The following UACA variants were observed in gnomAD, a reference collection of about 807,000 sequenced individuals.
UACA encodes the protein uveal autoantigen with coiled-coil domains and ankyrin repeats.
UACA carries 112 observed loss-of-function variants against 160.5 expected under a neutral mutation model. The ratio of observed to expected loss-of-function variants is 0.70; its 90% confidence interval spans 0.60 to 0.82. The LOEUF (loss-of-function observed/expected upper bound fraction) is 0.82. UACA is among the 40% of genes least tolerant of loss of function. The pLI, the probability that UACA is intolerant of heterozygous loss-of-function variation, is 0.00. For missense variants in UACA, 1,574 were observed against 1,614.6 expected, an observed-to-expected ratio of 0.97 and a Z score of 0.43; for synonymous variants, 557 against 568.4, an observed-to-expected ratio of 0.98 and a Z score of 0.29.
At chr15:70,740,674 T>C (rs1899505023) in intron 1 of UACA, among the ~76,000 whole-genome samples, 1 of 145,462 alleles carries the variant, frequency 6.9e-6, no homozygotes, top group African/African-American at 2.5e-5. Context: ...CATTATGGAG[T>C]TTTAGGGCAA....
At chr15:70,711,162 T>C (rs1460045983) in intron 1 of UACA, among the ~76,000 whole-genome samples, 1 of 152,188 alleles carries the variant, frequency 6.6e-6, no homozygotes, top group Non-Finnish European at 1.5e-5. Flanking sequence ...TGTTACATCA[T>C]AATATCAAAA....
chr15:70,762,857 C>T (rs574515432), intron 1 of UACA, among the ~76,000 whole-genome samples: 1 of 152,358 alleles, frequency 6.6e-6, no homozygotes, highest in African/African-American at 2.4e-5. Flanking sequence ...GGAGTCCGGG[C>T]ACGGTGGCGC....
At chr15:70,686,380 C>T (rs191567725) in intron 7 of UACA, among the ~76,000 whole-genome samples, 140 of 151,508 alleles carry the variant, frequency 9.2e-4, no homozygotes, top group African/African-American at 3.3e-3. Flanking sequence ...TCAAAGATTT[C>T]CTGATTGGGA....
chr15:70,727,747 C>G (rs1178279746), intron 1 of UACA, among the ~76,000 whole-genome samples: 5 of 152,216 alleles, frequency 3.3e-5, no homozygotes, highest in African/African-American at 9.7e-5. Flanking sequence ...ATATCTTAAA[C>G]TGTTCTAGAA....
At chr15:70,718,269 G>A (rs1450923819) in intron 1 of UACA, among the ~76,000 whole-genome samples, 1 of 144,434 alleles carries the variant, frequency 6.9e-6, no homozygotes, top group Non-Finnish European at 1.5e-5. Context: ...GGGAGGGGGA[G>A]GAGGGGGAGA....
At chr15:70,684,506 T>C in intron 7 of UACA, 60 bp from the exon 8 acceptor site, 1 of 1,509,936 alleles carries the variant, frequency 6.6e-7, no homozygotes, top group Non-Finnish European at 8.9e-7. Flanking sequence ...ATTGCAGAAA[T>C]ATTCTGCCCT....
chr15:70,708,153 TAAATG>T (rs1898574245), intron 1 of UACA, among the ~76,000 whole-genome samples: 1 of 152,294 alleles, frequency 6.6e-6, no homozygotes, highest in African/African-American at 2.4e-5. Flanking sequence ...GACATTATGC[TAAATG>T]AAATTAGCCA....
At chr15:70,770,408 T>C in the UACA span, among the ~76,000 whole-genome samples, 2 of 152,246 alleles carry the variant, frequency 1.3e-5, no homozygotes, top group Non-Finnish European at 2.9e-5. Flanking sequence ...TCTTCATGGA[T>C]TAACCAGGTA....
upstream of UACA, among the ~76,000 whole-genome samples, chr15:70,764,713 A>G (rs983783601): frequency 3.9e-5 from 6 of 152,234 alleles, no homozygotes; most frequent in South Asian, 2.1e-4. Flanking sequence ...CAACAAGTAA[A>G]TAACAACTAA....
chr15:70,761,462 G>T (rs1240398425), intron 1 of UACA, among the ~76,000 whole-genome samples: 2 of 151,778 alleles, frequency 1.3e-5, no homozygotes, highest in Admixed American at 1.3e-4. Flanking sequence ...ACCAAATCTG[G>T]GATTATGGTT....
intron 1 of UACA, among the ~76,000 whole-genome samples, chr15:70,753,551 CTA>C (rs1183946674): frequency 6.6e-6 from 1 of 152,188 alleles, no homozygotes; most frequent in East Asian, 1.9e-4. Context: ...CACTTATTAG[CTA>C]TAGTGTCTTG....
chr15:70,727,999 C>T (rs1300287386), intron 1 of UACA, among the ~76,000 whole-genome samples: 1 of 152,136 alleles, frequency 6.6e-6, no homozygotes, highest in Non-Finnish European at 1.5e-5. Context: ...CTAACCAAAA[C>T]AGCATTGATA....
At chr15:70,659,561 C>T (rs775064685) in intron 18 of UACA, among the ~76,000 whole-genome samples, 19 of 151,476 alleles carry the variant, frequency 1.3e-4, no homozygotes, top group East Asian at 9.7e-4. Context: ...ATGCTGCTCA[C>T]GGGGTTTCTA....
chr15:70,762,428 T>C (rs2030821767), intron 1 of UACA, among the ~76,000 whole-genome samples: 1 of 152,230 alleles, frequency 6.6e-6, no homozygotes, highest in Non-Finnish European at 1.5e-5. Flanking sequence ...ACTTTGTAAG[T>C]GGCACTTATT....
chr15:70,669,363 T>C lies in UACA; in HGVS notation c.1321A>G (p.Ile441Val). The change falls in exon 16 of 19, where the codon ATT becomes GTT. Residue 441 changes from isoleucine to valine, a missense_variant. Transcript: ENST00000322954. ...PSQTSYSENEILKKELEAMRT... is the reference protein window; with the variant it reads ...PSQTSYSENEVLKKELEAMRT... ...ATTGCTTCTAACTCTTTCTTTAAAATTTCATTTTCAGAGTATGACGTTTGA... is the reference window on the plus strand; with the variant it reads ...ATTGCTTCTAACTCTTTCTTTAAAACTTCATTTTCAGAGTATGACGTTTGA... 6.2e-7 allele frequency: 1 copy of C among 1,613,998 alleles called. No individual in the cohort carries two copies. The highest frequency in any genetic ancestry group is 2.2e-5 in the East Asian group (1 of 44,862).
chr15:70,691,572 A>C (rs1897937377), intron 3 of UACA, among the ~76,000 whole-genome samples: 1 of 152,200 alleles, frequency 6.6e-6, no homozygotes, highest in African/African-American at 2.4e-5. Flanking sequence ...AGAAAGAAAA[A>C]CTAATTATAG....
intron 1 of UACA, chr15:70,703,285 C>T: frequency 7.8e-7 from 1 of 1,285,078 alleles, no homozygotes; most frequent in Non-Finnish European, 1.0e-6. Flanking sequence ...CATGGGAATG[C>T]AAAACATTCC....
rs79745638 is a variant in UACA at position 70,715,235 on chromosome 15, G to A, written c.79-15575C>T. 3.3e-5 allele frequency among the ~76,000 whole-genome samples: 5 copies of A among 152,244 alleles called. No homozygotes were observed. In the East Asian group the frequency reaches 9.6e-4, roughly 29 times the overall value. ...ATCCCTATATATACCAATGAACACA[G>A]TAATAGTTACGGTGAATTTTAACAA... On this transcript the variant is annotated intron_variant, in intron 1 of 18. Coordinates refer to ENST00000322954, the MANE Select transcript of UACA (RefSeq NM_018003.4).
chr15:70,705,082 G>A (rs548105908), intron 1 of UACA, among the ~76,000 whole-genome samples: 18 of 152,254 alleles, frequency 1.2e-4, no homozygotes, highest in Admixed American at 7.8e-4. Flanking sequence ...TGTTACGGGC[G>A]CATACTCCTA....
Sources: gnomAD v4.1 joint callset for allele counts (sites outside exome capture counted in the v4.1 genomes callset) on GRCh38, gnomAD v4.1.1 for gene constraint, MANE v1.5 for transcripts, NCBI Gene and HGNC (gene_info 2026-07-23, HGNC 2026-07-21) for gene names.